The following KCNQ2 variants were observed in gnomAD, a reference collection of about 807,000 sequenced individuals.
The protein encoded by KCNQ2 is potassium voltage-gated channel subfamily Q member 2, also known as potassium voltage-gated channel subfamily KQT member 2.
In KCNQ2, 14 loss-of-function variants were observed where a neutral mutation model predicts 84.8. That is an observed-to-expected ratio of 0.17 (90% CI 0.11 to 0.26). The LOEUF (loss-of-function observed/expected upper bound fraction) is 0.26, where lower values mean the gene tolerates loss of function less well. Among genes scored for constraint, KCNQ2 ranks in the 10% least tolerant of loss-of-function variants. The pLI is 1.00. For missense variants in KCNQ2, 788 were observed against 1,254.0 expected (o/e 0.63, Z 5.61); for synonymous variants, 599 against 554.1 (o/e 1.08, Z -1.14).
Position 63,406,981 on chromosome 20 carries a change from G to A in KCNQ2, c.2282C>T (p.Ala761Val). ...CTCCTGCCGCAGGAACTCCATGCTGGCGCGGTTGCCCCCGCCGTAGGCGGA... is the reference window on the plus strand; with the variant it reads ...CTCCTGCCGCAGGAACTCCATGCTGACGCGGTTGCCCCCGCCGTAGGCGGA... Reference protein sequence around the residue: ...SLSAYGGGNRASMEFLRQEDT... With the variant: ...SLSAYGGGNRVSMEFLRQEDT... Residue 761 changes from alanine to valine, a missense_variant, in exon 17 of 17, where the codon GCC becomes GTC. By Grantham distance (64) the Ala-to-Val change is moderately conservative (BLOSUM62 0). Transcript: ENST00000359125. The A allele has an allele frequency of 6.5e-7, 1 of 1,530,842 alleles. No homozygotes were observed. 94.8% of individuals were successfully genotyped at this position (1,530,842 alleles called of 1,614,324 possible). A position where few individuals can be genotyped will look rare whatever the true frequency, so the allele number is the denominator to read the frequency against.
At chr20:63,447,706 C>T (rs1022851732) in intron 1 of KCNQ2, among the ~76,000 whole-genome samples, 3 of 152,156 alleles carry the variant, frequency 2.0e-5, no homozygotes, top group East Asian at 1.9e-4. Context: ...GCAATTCTCC[C>T]GCCTCAGCCT....
chr20:63,455,513 T>C (rs1037984007), intron 1 of KCNQ2, among the ~76,000 whole-genome samples: 2 of 152,146 alleles, frequency 1.3e-5, no homozygotes, highest in African/African-American at 4.8e-5. Flanking sequence ...GCACCCCGAA[T>C]GCAGTCACAG....
chr20:63,414,133 G>C lies in KCNQ2; in HGVS notation c.1586C>G (p.Thr529Ser). The C allele has an allele frequency of 1.2e-6, 2 of 1,613,758 alleles. No individual in the cohort carries two copies. The highest frequency in any genetic ancestry group is 1.7e-6 in the Non-Finnish European group (2 of 1,179,970). The change falls in exon 14 of 17, where the codon ACC becomes AGC. Residue 529 changes from threonine to serine, a missense_variant. Physicochemically the swap from Thr to Ser is moderately conservative, Grantham distance 58. Coordinates refer to ENST00000359125, the MANE Select transcript of KCNQ2 (RefSeq NM_172107.4). This position sits in a 1 kb window ranked among gnomAD's most constrained non-coding sequence, Gnocchi z 6.6. ...TTTGAGGCCCGGGGTCAGGTCCTCG[G>C]TCACAAACTCGCAGGGGCAGCTCTT... ...DDKSCPCEFV[T>S]EDLTPGLKVS... is the part of the protein sequence containing the mutation.
chr20:63,407,326 T>G lies in KCNQ2; in HGVS notation c.1937A>C (p.Gln646Pro). 1 of 1,597,284 alleles carries G rather than the reference T, an allele frequency of 6.3e-7. No individual in the cohort carries two copies. Among genetic ancestry groups the G allele is most frequent in the Non-Finnish European group, 8.5e-7 (1 of 1,178,986 alleles). Residue 646 changes from glutamine to proline, a missense_variant, in exon 17 of 17, where the codon CAG (glutamine) becomes CCG (proline). Gln to Pro is a moderately conservative substitution (Grantham distance 76). Coordinates refer to ENST00000359125, the MANE Select transcript of KCNQ2 (RefSeq NM_172107.4). This position sits in a 1 kb window ranked among gnomAD's most constrained non-coding sequence, Gnocchi z 7.2. ...KLDFLVNIYM[Q>P]RMGIPPTETE... is the part of the protein sequence containing the mutation. ...CTCTGTCGGGGGGATGCCCATCCGC[T>G]GCATGTAGATATTCACCAGGAAGTC...
chr20:63,469,600 C>G (rs1255780518), intron 1 of KCNQ2, among the ~76,000 whole-genome samples: 1 of 152,240 alleles, frequency 6.6e-6, no homozygotes, highest in African/African-American at 2.4e-5. Context: ...AACTTGACCT[C>G]TCCGAAGCCA....
chr20:63,410,188 G>C (rs2080079732), intron 15 of KCNQ2, among the ~76,000 whole-genome samples: 2 of 152,176 alleles, frequency 1.3e-5, no homozygotes, highest in Admixed American at 1.3e-4. Context: ...GGGAGTCCCT[G>C]GTGTTCGGGG....
intron 15 of KCNQ2, among the ~76,000 whole-genome samples, chr20:63,412,975 C>A (rs991315721): frequency 6.6e-6 from 1 of 152,208 alleles, no homozygotes; most frequent in African/African-American, 2.4e-5. Context: ...AGTAGCATAA[C>A]TGATGCCTGG....
intron 4 of KCNQ2, among the ~76,000 whole-genome samples, chr20:63,443,013 TCAC>T (rs1389897725): frequency 1.1e-3 from 32 of 27,930 alleles, no homozygotes; most frequent in Admixed American, 8.0e-4. Context: ...ACCATCACCA[TCAC>T]CACCACCATC....
rs996815962 is a variant in KCNQ2 at position 63,401,592 on chromosome 20, G to A, written c.*5052C>T. ...CACAGGCTCCCCAGGCGGCCATTCC[G>A]TCCTGCAGCCCCTAAAGGCCCTGAC... On this transcript the variant is annotated 3_prime_UTR_variant, in exon 17 of 17. Transcript: ENST00000359125. 31 of 152,834 alleles carry A rather than the reference G, an allele frequency of 2.0e-4. No individual in the cohort carries two copies. Among genetic ancestry groups the A allele is most frequent in the Middle Eastern group, 3.4e-3 (1 of 296 alleles). The allele number at this position is 152,834 out of a possible 1,614,324, so 9.5% of individuals were successfully genotyped here. A position where few individuals can be genotyped will look rare whatever the true frequency, so the allele number is the denominator to read the frequency against.
chr20:63,457,600 C>T (rs1393919320), intron 1 of KCNQ2, among the ~76,000 whole-genome samples: 3 of 152,246 alleles, frequency 2.0e-5, no homozygotes, highest in Admixed American at 2.0e-4. Flanking sequence ...AGGATGGCCA[C>T]TTCCTTCAGC....
At chr20:63,418,033 A>G (rs1046334985) in intron 12 of KCNQ2, among the ~76,000 whole-genome samples, 2 of 152,068 alleles carry the variant, frequency 1.3e-5, no homozygotes, top group Non-Finnish European at 2.9e-5. Flanking sequence ...CGACCTGGAC[A>G]TGTCCTTCCC....
At chr20:63,457,455 G>A (rs1191093917) in intron 1 of KCNQ2, among the ~76,000 whole-genome samples, 4 of 152,372 alleles carry the variant, frequency 2.6e-5, no homozygotes, top group Admixed American at 6.5e-5. Context: ...CTAGCCTGAT[G>A]CTCACGGCCT....
In KCNQ2 at chr20:63,407,513, G is replaced by C. The variant is rs3746362; in HGVS notation, c.1888-138C>G. ...ACCCAGGCTAGTCCCAGGAAACGGG[G>C]GACCCAGGCTAGTCCCAGGAGATGT... On this transcript the variant is annotated intron_variant, in intron 16 of 16. Transcript: ENST00000359125. The surrounding 1 kb of genome is among the most constrained non-coding windows in gnomAD (Gnocchi z 7.2). The C allele has an allele frequency of 0.12, 96,483 of 807,844 alleles. 10,092 individuals carry two copies. Among genetic ancestry groups the C allele is most frequent in the East Asian group, 0.43 (14,579 of 34,204 alleles). 50.0% of individuals were successfully genotyped at this position (807,844 alleles called of 1,614,324 possible).
chr20:63,411,415 C>T (rs1017940937), intron 15 of KCNQ2, among the ~76,000 whole-genome samples: 42 of 152,178 alleles, frequency 2.8e-4, no homozygotes, highest in African/African-American at 8.9e-4. Flanking sequence ...CCAGGGGGCA[C>T]GGGCAGGGCC....
In KCNQ2 at chr20:63,455,858, C is replaced by G. The variant is rs373403467; in HGVS notation, c.297-9021G>C. Among the ~76,000 whole-genome samples the G allele has an allele frequency of 1.1e-3, 125 of 115,406 alleles. 1 individual carries two copies. The highest frequency in any genetic ancestry group is 7.7e-3 in the East Asian group (29 of 3,750). The allele number at this position is 115,406 out of a possible 152,430, so 75.7% of individuals were successfully genotyped here. A position where few individuals can be genotyped will look rare whatever the true frequency, so the allele number is the denominator to read the frequency against. ...GGCCCCCCACCTCCGGGAGACCCCT[C>G]TGCTCACGGGCCCCCCACCTCCGGG... is the stretch of plus-strand genomic sequence containing the variant. On this transcript the variant is annotated intron_variant, in intron 1 of 16. Transcript: ENST00000359125.
At chr20:63,416,851 G>A (rs1284523215) in intron 12 of KCNQ2, among the ~76,000 whole-genome samples, 2 of 152,134 alleles carry the variant, frequency 1.3e-5, no homozygotes, top group African/African-American at 2.4e-5. Flanking sequence ...TCGCTTGGCT[G>A]CCCCTCCCCA....
Position 63,414,461 on chromosome 20 carries a change from G to A in KCNQ2, c.1526-268C>T, listed in dbSNP as rs892640579. Among the ~76,000 whole-genome samples the A allele has an allele frequency of 6.6e-6, 1 of 152,148 alleles. No individual in the cohort carries two copies. The highest frequency in any genetic ancestry group is 1.5e-5 in the Non-Finnish European group (1 of 68,028). ...CTGGCCAATGGATGAACAGAACATG[G>A]CGCATCCACGCACAGATGTTAACGG... On this transcript the variant is annotated intron_variant, in intron 13 of 16. Coordinates refer to ENST00000359125, the MANE Select transcript of KCNQ2 (RefSeq NM_172107.4). The surrounding 1 kb of genome is among the most constrained non-coding windows in gnomAD (Gnocchi z 6.6).
chr20:63,458,350 G>C (rs2081859248), intron 1 of KCNQ2, among the ~76,000 whole-genome samples: 1 of 152,148 alleles, frequency 6.6e-6, no homozygotes, highest in African/African-American at 2.4e-5. Context: ...GGCCGCTGCA[G>C]TGCCTCATGG....
intron 1 of KCNQ2, among the ~76,000 whole-genome samples, chr20:63,450,909 G>A (rs1490405605): frequency 3.3e-5 from 5 of 152,044 alleles, no homozygotes; most frequent in Middle Eastern, 3.2e-3. Flanking sequence ...AGGCCGAGGC[G>A]GGCAGATCAC....
Sources: allele counts gnomAD v4.1 joint callset (sites outside exome capture counted in the v4.1 genomes callset), GRCh38; gene constraint gnomAD v4.1.1; non-coding constraint Gnocchi (gnomAD v3.1); transcripts MANE v1.5; gene names NCBI Gene and HGNC (gene_info 2026-07-23, HGNC 2026-07-21).